TANC2: variants seen among roughly 807,000 people sequenced by gnomAD.
The protein encoded by TANC2 is protein TANC2.
TANC2 carries 26 observed loss-of-function variants against 210.5 expected under a neutral mutation model. The observed-to-expected ratio is 0.12, with a 90% CI of 0.09 to 0.17. TANC2 has a LOEUF of 0.17. Among genes scored for constraint, TANC2 ranks in the 10% least tolerant of loss-of-function variants. TANC2 has a pLI of 1.00. For missense variants in TANC2, 2,129 were observed against 2,608.9 expected (o/e 0.82, Z 4.01); for synonymous variants, 931 against 967.1 (o/e 0.96, Z 0.69).
intron 15 of TANC2, among the ~76,000 whole-genome samples, chr17:63,387,684 A>C (rs549701809): frequency 1.4e-4 from 21 of 152,228 alleles, no homozygotes; most frequent in Non-Finnish European, 2.8e-4. Context: ...AGATATTGAC[A>C]GAAGAGTAAG....
At chr17:63,380,770 TAGCAAATTCTTCCCAATATATA>T (rs1042187275) in intron 15 of TANC2, among the ~76,000 whole-genome samples, 1 of 152,216 alleles carries the variant, frequency 6.6e-6, no homozygotes, top group African/African-American at 2.4e-5. Context: ...TTCAAGAGCC[TAGCAAATTCTTCCCAATATATA>T]AGCACAGAGC....
rs77699165 is a variant in TANC2, at chr17:63,261,173, G to C, written c.1034-6575G>C. On this transcript the variant is annotated intron_variant, in intron 8 of 27. Coordinates refer to ENST00000689528, the Ensembl canonical transcript of TANC2. The stretch of plus-strand genomic sequence containing the variant: ...GCAGGAGTATGGCTTGAGCCCAGGA[G>C]ATTGAGACTGCAGTGGGCTGTGATT... 4.7e-3 allele frequency among the ~76,000 whole-genome samples: 713 copies of C among 152,166 alleles called. 9 individuals carry two copies. Among genetic ancestry groups the C allele is most frequent in the African/African-American group, 0.016 (676 of 41,496 alleles).
intron 9 of TANC2, among the ~76,000 whole-genome samples, chr17:63,276,655 A>AT (rs1567874887): frequency 6.6e-6 from 1 of 152,050 alleles, no homozygotes; most frequent in Admixed American, 6.6e-5. Context: ...TCAAAGTAAG[A>AT]TTTTTTTCAG....
At chr17:63,276,493 T>C (rs1260680430) in intron 9 of TANC2, among the ~76,000 whole-genome samples, 1 of 150,298 alleles carries the variant, frequency 6.7e-6, no homozygotes, top group Non-Finnish European at 1.5e-5. Flanking sequence ...GTTTTCCCTT[T>C]CTTTTTTTTT....
At chr17:63,265,636 A>T (rs1405108481) in intron 8 of TANC2, among the ~76,000 whole-genome samples, 1 of 152,210 alleles carries the variant, frequency 6.6e-6, no homozygotes, top group Non-Finnish European at 1.5e-5. Flanking sequence ...TTAGGGGAAT[A>T]GTTGTGCTCA....
chr17:63,389,208 A>T, intron 16 of TANC2, 100 bp from the exon 17 acceptor site: 1 of 868,390 alleles, frequency 1.2e-6, no homozygotes, highest in Non-Finnish European at 1.8e-6. Flanking sequence ...ACTAAATGCT[A>T]CTAGACACTG....
At chr17:63,324,677 T>C (rs534262989) in intron 11 of TANC2, among the ~76,000 whole-genome samples, 1 of 152,296 alleles carries the variant, frequency 6.6e-6, no homozygotes, top group East Asian at 1.9e-4. Flanking sequence ...AACACTGACG[T>C]TTTACTGTCA....
intron 1 of TANC2, among the ~76,000 whole-genome samples, chr17:62,987,005 C>T (rs1004143274): frequency 3.3e-5 from 5 of 152,170 alleles, no homozygotes; most frequent in Admixed American, 1.3e-4. Context: ...GGTGCACTGC[C>T]GGGCTGTTTC....
chr17:63,400,682 C>T (rs1282241275), intron 19 of TANC2, among the ~76,000 whole-genome samples: 1 of 151,224 alleles, frequency 6.6e-6, no homozygotes, highest in East Asian at 1.9e-4. Flanking sequence ...CTCACTCTGT[C>T]CCCCAGGCTA....
In TANC2 at chr17:63,388,586, A is replaced by G. The variant is rs761603992; in HGVS notation, c.2692-49A>G. 13 of 1,561,416 alleles carry G rather than the reference A, an allele frequency of 8.3e-6. No individual in the cohort carries two copies. The South Asian group carries it at 1.5e-4, about 19-fold the overall frequency. On this transcript the variant is annotated intron_variant, in intron 15 of 27. Transcript: ENST00000689528. ...AGGCCACTAATTCACCACTGATGCT[A>G]CTTTTTTTTGCTGGGCTACTAATTT...
chr17:63,153,294 A>G (rs1352598207), intron 5 of TANC2: 1 of 152,198 alleles, frequency 6.6e-6, no homozygotes, highest in Non-Finnish European at 1.5e-5. Flanking sequence ...ATATACTAAC[A>G]CCACTGATGA....
intron 8 of TANC2, among the ~76,000 whole-genome samples, chr17:63,250,536 T>A (rs2043029915): frequency 6.6e-6 from 1 of 152,146 alleles, no homozygotes; most frequent in South Asian, 2.1e-4. Context: ...GATGATGATG[T>A]ACAAGGCATT....
At chr17:63,165,491 C>T (rs2040181413) in intron 5 of TANC2, among the ~76,000 whole-genome samples, 1 of 152,174 alleles carries the variant, frequency 6.6e-6, no homozygotes. Context: ...TTAAAAGCTC[C>T]CTGCTGCCCT....
At chr17:63,417,521 G>A (rs1266076171) in intron 26 of TANC2, among the ~76,000 whole-genome samples, 1 of 152,028 alleles carries the variant, frequency 6.6e-6, no homozygotes. Flanking sequence ...CACAGCTGGG[G>A]TCTTCTCTTG....
chr17:63,123,774 C>T (rs1598432794), intron 4 of TANC2, among the ~76,000 whole-genome samples: 1 of 144,568 alleles, frequency 6.9e-6, no homozygotes, highest in Non-Finnish European at 1.5e-5. Flanking sequence ...GCAACCTCTG[C>T]TCACTGCAAC....
chr17:62,976,808 G>A (rs241066), intron 1 of TANC2, among the ~76,000 whole-genome samples: 90,997 of 152,080 alleles, frequency 0.6, 29,874 homozygotes, highest in African/African-American at 0.87. Context: ...GCATTAGGTC[G>A]TAGCTTGTTC....
intron 14 of TANC2, among the ~76,000 whole-genome samples, chr17:63,378,196 C>A (rs1371517900): frequency 6.6e-6 from 1 of 151,942 alleles, no homozygotes; most frequent in Non-Finnish European, 1.5e-5. Flanking sequence ...TCCTTTAATG[C>A]CAGATTTTTT....
At chr17:62,978,884 A>G (rs953192367) in intron 1 of TANC2, 1 of 152,126 alleles carries the variant, frequency 6.6e-6, no homozygotes, top group African/African-American at 2.4e-5. Context: ...TGGAGACTGG[A>G]AAAAAGAGCC....
intron 4 of TANC2, among the ~76,000 whole-genome samples, chr17:63,126,534 A>C (rs1016407700): frequency 1.3e-5 from 2 of 151,978 alleles, no homozygotes; most frequent in African/African-American, 4.8e-5. Context: ...TCAGCCTCCC[A>C]AGTAGCTGGG....
Sources: gnomAD v4.1 joint callset for allele counts (sites outside exome capture counted in the v4.1 genomes callset) on GRCh38, gnomAD v4.1.1 for gene constraint, MANE v1.5 for transcripts, NCBI Gene and HGNC (gene_info 2026-07-23, HGNC 2026-07-21) for gene names.